The following FAM13A variants were observed in gnomAD, a reference collection of about 807,000 sequenced individuals.
The protein encoded by FAM13A is family with sequence similarity 13 member A, also known as protein FAM13A.
FAM13A carries 76 observed loss-of-function variants against 129.6 expected under a neutral mutation model. The observed-to-expected ratio is 0.59, with a 90% confidence interval of 0.49 to 0.71. The LOEUF (loss-of-function observed/expected upper bound fraction) is 0.71, where lower values mean the gene tolerates loss of function less well. FAM13A is among the 30% of genes least tolerant of loss of function. FAM13A has a pLI of 0.00. For synonymous variants in FAM13A, 443 were observed against 449.9 expected (o/e 0.98, Z 0.20); for missense variants, 1,108 against 1,249.3 (o/e 0.89, Z 1.70).
chr4:89,031,231 A>T (rs759918575), intron 1 of FAM13A, among the ~76,000 whole-genome samples: 2 of 152,216 alleles, frequency 1.3e-5, no homozygotes, highest in Non-Finnish European at 2.9e-5. Flanking sequence ...ATATCTGGTG[A>T]TCAAGCAGCT....
intron 2 of FAM13A, 88 bp from the exon 3 acceptor site, chr4:89,020,757 T>A (rs368704490): frequency 4.7e-6 from 4 of 845,966 alleles, no homozygotes; most frequent in East Asian, 2.5e-5. Flanking sequence ...GAAAGAAATC[T>A]CAGCATATGA....
At chr4:88,750,318 A>T in intron 15 of FAM13A, 106 bp downstream of exon 15, 1 of 890,400 alleles carries the variant, frequency 1.1e-6, no homozygotes, top group Non-Finnish European at 1.8e-6. Flanking sequence ...GTTGCTCCAT[A>T]GGCTCACGAC....
chr4:88,774,526 C>G (rs1721301596), intron 11 of FAM13A, among the ~76,000 whole-genome samples: 1 of 152,022 alleles, frequency 6.6e-6, no homozygotes, highest in Non-Finnish European at 1.5e-5. Context: ...GGTTTTTTAA[C>G]AGGAGTTCTT....
chr4:89,056,816 C>A, intron 1 of FAM13A, 122 bp downstream of exon 1: 1 of 939,724 alleles, frequency 1.1e-6, no homozygotes. Flanking sequence ...AGTAACAAAT[C>A]TTTCCCCACC....
intron 4 of FAM13A, among the ~76,000 whole-genome samples, chr4:88,957,328 C>CA (rs60306324): frequency 0.036 from 5,142 of 144,616 alleles, 141 homozygotes; most frequent in Admixed American, 0.09. Context: ...GACTCTGTCT[C>CA]AAAAAAAAAA....
chr4:88,744,139 T>G (rs949872670), intron 19 of FAM13A, among the ~76,000 whole-genome samples: 1 of 152,180 alleles, frequency 6.6e-6, no homozygotes, highest in South Asian at 2.1e-4. Flanking sequence ...TGGCTGTATT[T>G]AGGGTCCTCA....
chr4:89,014,706 T>C (rs1373249663), intron 3 of FAM13A, among the ~76,000 whole-genome samples: 1 of 152,370 alleles, frequency 6.6e-6, no homozygotes, highest in East Asian at 1.9e-4. Context: ...TCAATATTCT[T>C]GTGATTTCCT....
At chr4:88,942,404 T>G (rs1754918988) in intron 4 of FAM13A, among the ~76,000 whole-genome samples, 1 of 151,828 alleles carries the variant, frequency 6.6e-6, no homozygotes, top group African/African-American at 2.4e-5. Context: ...CCGTCTCTAC[T>G]AAAAATACAA....
intron 8 of FAM13A, 72 bp from the exon 9 acceptor site, chr4:88,790,699 G>A (rs180968488): frequency 1.5e-5 from 20 of 1,305,654 alleles, no homozygotes; most frequent in Middle Eastern, 1.8e-4. Context: ...CATGTGAAGT[G>A]GATCGCAGGC....
chr4:89,057,051 T>C lies in FAM13A; in HGVS notation c.-87A>G. The stretch of plus-strand genomic sequence containing the variant: ...AAATACTAAAATTCCATTCAGCACA[T>C]ATTCTTTGATGTGAAAAACAGCTCC... On this transcript the variant is annotated 5_prime_UTR_variant, in exon 1 of 24. The change creates a new upstream start codon in the 5' untranslated region. Coordinates refer to ENST00000264344, the MANE Select transcript of FAM13A (RefSeq NM_014883.4). 1 of 1,588,358 alleles carries C rather than the reference T, an allele frequency of 6.3e-7. No individual in the cohort carries two copies. The highest frequency in any genetic ancestry group is 1.7e-4 in the Middle Eastern group (1 of 5,922).
intron 5 of FAM13A, among the ~76,000 whole-genome samples, chr4:88,920,973 A>G (rs1750973787): frequency 6.6e-6 from 1 of 152,110 alleles, no homozygotes; most frequent in African/African-American, 2.4e-5. Flanking sequence ...GAAATGAATG[A>G]AATGAAGCGA....
In FAM13A at chr4:88,732,045, A is replaced by G; in HGVS notation, c.2800T>C (p.Cys934Arg). The change falls in exon 22 of 24, where the codon TGC becomes CGC. Residue 934 changes from cysteine to arginine, a missense_variant. Physicochemically the swap from Cys to Arg is radical, Grantham distance 180. Around this residue, in one of 3 missense-constraint regions of FAM13A, gnomAD observed 529 missense variants for 621.2 expected, o/e 0.85. Transcript: ENST00000264344. Reference sequence around the variant, plus strand: ...TTTGAAAGCCCTGTGTCCTGGCTGCATTTTGATGGTATTTTATCATCCATT... The same window carrying G: ...TTTGAAAGCCCTGTGTCCTGGCTGCGTTTTGATGGTATTTTATCATCCATT... ...SPMDDKIPSK[C>R]SQDTGLSNLH... is the part of the protein sequence containing the mutation. The G allele has an allele frequency of 6.2e-7, 1 of 1,614,010 alleles. No individual in the cohort carries two copies.
At chr4:89,033,239 A>T (rs1174675845) in intron 1 of FAM13A, among the ~76,000 whole-genome samples, 1 of 152,248 alleles carries the variant, frequency 6.6e-6, no homozygotes, top group African/African-American at 2.4e-5. Flanking sequence ...AGAAAAAATC[A>T]AAATGATAAT....
At chr4:89,038,573 T>C (rs1560910908) in intron 1 of FAM13A, among the ~76,000 whole-genome samples, 3 of 152,210 alleles carry the variant, frequency 2.0e-5, no homozygotes, top group Non-Finnish European at 4.4e-5. Context: ...AAGTAACCAC[T>C]GTAAATAATA....
At chr4:88,833,840 C>A (rs1734329101) in intron 7 of FAM13A, among the ~76,000 whole-genome samples, 1 of 152,026 alleles carries the variant, frequency 6.6e-6, no homozygotes, top group South Asian at 2.1e-4. Flanking sequence ...GAGCTGAGAT[C>A]ACGCCACTGC....
rs375271616 is a variant in FAM13A at position 89,029,467 on chromosome 4, C to T, written c.210G>A (p.Thr70=). Residue 70 remains threonine (T), a synonymous_variant, in exon 2 of 24, where the codon ACG becomes ACA. Transcript: ENST00000264344. ...AVVWNIVEYL[T]QHGLTQEGLF... is the part of the protein sequence containing the mutation. ...AAGCATGACTTAACTCACCATGCTG[C>T]GTCAAATATTCCACTATATTCCACA... 9 of 1,595,582 alleles carry T rather than the reference C, an allele frequency of 5.6e-6. No individual in the cohort carries two copies. The highest frequency in any genetic ancestry group is 5.5e-5 in the Admixed American group (3 of 54,530).
chr4:88,957,652 C>A (rs573029248), intron 4 of FAM13A, among the ~76,000 whole-genome samples: 20 of 152,246 alleles, frequency 1.3e-4, no homozygotes, highest in African/African-American at 4.6e-4. Flanking sequence ...TTGGAGGACA[C>A]AGAAGAAGAT....
In FAM13A at chr4:89,020,656, T is replaced by A; in HGVS notation, c.231A>T (p.Glu77Asp). The A allele has an allele frequency of 1.2e-6, 2 of 1,613,996 alleles. No individual in the cohort carries two copies. Among genetic ancestry groups the A allele is most frequent in the Non-Finnish European group, 8.5e-7 (1 of 1,179,894 alleles). The change falls in exon 3 of 24, where the codon GAA becomes GAT. Residue 77 changes from glutamate to aspartate, a missense_variant. Coordinates refer to ENST00000264344, the MANE Select transcript of FAM13A (RefSeq NM_014883.4). Reference protein sequence around the residue: ...EYLTQHGLTQEGLFRVNGNVK... With the variant: ...EYLTQHGLTQDGLFRVNGNVK... The stretch of plus-strand genomic sequence containing the variant: ...CGTTACCATTCACCCTAAAAAGACC[T>A]TCTTGGGTAAGTCCTGGAAGAGCAA...
intron 19 of FAM13A, among the ~76,000 whole-genome samples, chr4:88,744,623 T>G (rs1740920886): frequency 6.6e-6 from 1 of 152,192 alleles, no homozygotes; most frequent in South Asian, 2.1e-4. Flanking sequence ...GAACAATAGT[T>G]TAACTCTAGA....
Sources: allele counts gnomAD v4.1 joint callset (sites outside exome capture counted in the v4.1 genomes callset), GRCh38; gene constraint gnomAD v4.1.1; regional missense constraint gnomAD v4.1.1; transcripts MANE v1.5; gene names NCBI Gene and HGNC (gene_info 2026-07-23, HGNC 2026-07-21).